The following BACH2 variants were observed in gnomAD, a reference collection of about 807,000 sequenced individuals.
The protein encoded by BACH2 is transcription regulator protein BACH2.
BACH2 carries 5 observed loss-of-function variants against 61.8 expected under a neutral mutation model. The ratio of observed to expected loss-of-function variants is 0.08; its 90% CI spans 0.04 to 0.17. The LOEUF is 0.17. Among genes scored for constraint, BACH2 ranks in the 10% least tolerant of loss-of-function variants. The probability of loss-of-function intolerance (pLI) is 1.00; values close to 1 mark genes in which losing one functional copy is unlikely to be tolerated. For synonymous variants in BACH2, 446 were observed against 440.1 expected, an observed-to-expected ratio of 1.01 and a Z score of -0.17; for missense variants, 824 against 1,091.1, an observed-to-expected ratio of 0.76 and a Z score of 3.45.
chr6:89,939,801 A>G (rs1424484780), intron 7 of BACH2, among the ~76,000 whole-genome samples: 5 of 146,130 alleles, frequency 3.4e-5, no homozygotes, highest in Admixed American at 6.9e-5. Context: ...AGTAGCTGGG[A>G]CAACCCTGCC....
At chr6:90,164,244 C>G (rs1767524672) in intron 4 of BACH2, among the ~76,000 whole-genome samples, 1 of 152,180 alleles carries the variant, frequency 6.6e-6, no homozygotes, top group Admixed American at 6.5e-5. Context: ...CACCACTGAT[C>G]CCACAGAAAT....
rs552515547 is a variant in BACH2 at position 90,185,261 on chromosome 6, T to C, written c.-162+21308A>G. Among the ~76,000 whole-genome samples the C allele has an allele frequency of 5.3e-5, 8 of 152,274 alleles. No individual in the cohort carries two copies. The South Asian group carries it at 8.3e-4, about 16-fold the overall frequency. On this transcript the variant is annotated intron_variant, in intron 4 of 8. Coordinates refer to ENST00000257749, the MANE Select transcript of BACH2 (RefSeq NM_021813.4). ...CAGGTCTGGATGGGCTGGTGAACAGTTGGAATGATCCTTTGACTTTTTACA... is the reference window on the plus strand; with the variant it reads ...CAGGTCTGGATGGGCTGGTGAACAGCTGGAATGATCCTTTGACTTTTTACA...
chr6:89,934,653 T>C (rs1445676705), intron 8 of BACH2, among the ~76,000 whole-genome samples: 1 of 151,666 alleles, frequency 6.6e-6, no homozygotes, highest in South Asian at 2.1e-4. Context: ...AGCGAGACTT[T>C]GTCTCAAAAA....
At chr6:89,936,503 G>C (rs1335970599) in intron 8 of BACH2, among the ~76,000 whole-genome samples, 1 of 152,208 alleles carries the variant, frequency 6.6e-6, no homozygotes, top group African/African-American at 2.4e-5. Flanking sequence ...AAGGCAGAGA[G>C]GAAGTGGCAT....
chr6:89,975,119 TG>T (rs1427404142), intron 6 of BACH2, among the ~76,000 whole-genome samples: 2 of 152,322 alleles, frequency 1.3e-5, no homozygotes, highest in African/African-American at 4.8e-5. Context: ...AAAATCCCAT[TG>T]ATTTTGGGCT....
chr6:90,011,413 CT>C (rs1228315723), intron 5 of BACH2, among the ~76,000 whole-genome samples: 1 of 151,776 alleles, frequency 6.6e-6, no homozygotes, highest in Non-Finnish European at 1.5e-5. Flanking sequence ...TGTTTGTCTA[CT>C]TTTGTTTTTT....
intron 3 of BACH2, among the ~76,000 whole-genome samples, chr6:90,247,239 TCTTC>T (rs1770666137): frequency 6.6e-6 from 1 of 151,734 alleles, no homozygotes; most frequent in Non-Finnish European, 1.5e-5. Flanking sequence ...ATTTCTTTCT[TCTTC>T]TTCTTTTTTT....
At chr6:90,057,528 C>T (rs1354488884) in intron 5 of BACH2, among the ~76,000 whole-genome samples, 6 of 152,134 alleles carry the variant, frequency 3.9e-5, no homozygotes, top group African/African-American at 7.2e-5. Context: ...GATTCACAGC[C>T]GAATTCTACC....
At chr6:90,099,142 T>C (rs1055272387) in intron 4 of BACH2, among the ~76,000 whole-genome samples, 6 of 152,320 alleles carry the variant, frequency 3.9e-5, no homozygotes, top group Admixed American at 1.3e-4. Flanking sequence ...TCAGCCTTCA[T>C]ACCTTTGTTC....
chr6:90,069,088 C>T (rs1781102430), intron 5 of BACH2, among the ~76,000 whole-genome samples: 1 of 152,174 alleles, frequency 6.6e-6, no homozygotes, highest in Admixed American at 6.5e-5. Flanking sequence ...GATTCCTGGG[C>T]ATCCACAGAT....
At chr6:90,010,640 T>G (rs1339739050) in intron 5 of BACH2, among the ~76,000 whole-genome samples, 3 of 152,224 alleles carry the variant, frequency 2.0e-5, no homozygotes. Flanking sequence ...ATATGGTATG[T>G]GTAAGCATAA....
intron 5 of BACH2, among the ~76,000 whole-genome samples, chr6:90,072,064 G>C (rs1280792894): frequency 1.3e-5 from 2 of 152,018 alleles, no homozygotes; most frequent in African/African-American, 4.8e-5. Context: ...AACTTCTATC[G>C]AGAAAAAAAT....
chr6:89,943,542 GC>G (rs1773562147), intron 7 of BACH2, among the ~76,000 whole-genome samples: 2 of 152,208 alleles, frequency 1.3e-5, no homozygotes, highest in South Asian at 4.1e-4. Flanking sequence ...TGACTCTCTT[GC>G]TCTGGTAGAT....
chr6:89,960,076 T>A (rs1386540089), intron 6 of BACH2, among the ~76,000 whole-genome samples: 1 of 152,182 alleles, frequency 6.6e-6, no homozygotes, highest in African/African-American at 2.4e-5. Flanking sequence ...CCCTCCACCA[T>A]GCTCACAGGT....
Position 89,931,590 on chromosome 6 carries a change from G to GAAAACAAAAACA in BACH2, c.*806_*817dup, listed in dbSNP as rs555343055. The GAAAACAAAAACA allele has an allele frequency of 6.6e-6, 1 of 152,214 alleles. No homozygotes were observed. The allele number at this position is 152,214 out of a possible 1,614,324, so 9.4% of individuals were successfully genotyped here. ...ACCATTACTGTACAGTATCTGCAAGGAAAACAAAAACAAAAACAAAAACAA... is the reference window on the plus strand; with the variant it reads ...ACCATTACTGTACAGTATCTGCAAGGAAAACAAAAACAAAAACAAAAACAAAAACAAAAACAA... On this transcript the variant is annotated 3_prime_UTR_variant, in exon 9 of 9. Transcript: ENST00000257749.
intron 4 of BACH2, among the ~76,000 whole-genome samples, chr6:90,200,437 C>T (rs1235926795): frequency 1.3e-5 from 2 of 152,086 alleles, no homozygotes; most frequent in Non-Finnish European, 2.9e-5. Context: ...GAGCATTTCT[C>T]TACTCACTAC....
chr6:90,194,832 T>C (rs921850241), intron 4 of BACH2, among the ~76,000 whole-genome samples: 3 of 152,174 alleles, frequency 2.0e-5, no homozygotes, highest in Admixed American at 6.5e-5. Flanking sequence ...GATTAAACTA[T>C]GGGAATCTGG....
At chr6:90,024,549 G>A (rs558531326) in intron 5 of BACH2, among the ~76,000 whole-genome samples, 1 of 152,268 alleles carries the variant, frequency 6.6e-6, no homozygotes, top group African/African-American at 2.4e-5. Flanking sequence ...TATGCAAGGA[G>A]GAAATAAACT....
chr6:90,219,498 G>A (rs1181718660), intron 3 of BACH2, among the ~76,000 whole-genome samples: 1 of 151,816 alleles, frequency 6.6e-6, no homozygotes, highest in African/African-American at 2.4e-5. Context: ...AGCTCCTTTG[G>A]TTCCTTCTGC....
Sources: allele counts gnomAD v4.1 joint callset (sites outside exome capture counted in the v4.1 genomes callset), GRCh38; gene constraint gnomAD v4.1.1; transcripts MANE v1.5; gene names NCBI Gene and HGNC (gene_info 2026-07-23, HGNC 2026-07-21).